The following ANK2 variants were observed in gnomAD, a reference collection of about 807,000 sequenced individuals.
The protein encoded by ANK2 is ankyrin-2.
A neutral mutation model predicts 360.5 loss-of-function variants in ANK2; 83 were observed. The observed-to-expected ratio is 0.23, with a 90% CI of 0.19 to 0.28. ANK2 has a LOEUF of 0.28. ANK2 is among the 10% of genes least tolerant of loss of function. The pLI, the probability that ANK2 is intolerant of heterozygous loss-of-function variation, is 1.00. For synonymous variants in ANK2, 1,740 were observed against 1,759.5 expected, an observed-to-expected ratio of 0.99 and a Z score of 0.28; for missense variants, 4,201 against 4,795.7, an observed-to-expected ratio of 0.88 and a Z score of 3.66.
chr4:112,935,957 A>G (rs757419154), intron 2 of ANK2, among the ~76,000 whole-genome samples: 32 of 152,232 alleles, frequency 2.1e-4, no homozygotes, highest in Non-Finnish European at 3.8e-4. Context: ...GGAAAGACAT[A>G]CAGAAATTAA....
At chr4:113,169,259 C>T (rs1303632834) in intron 1 of ANK2, among the ~76,000 whole-genome samples, 1 of 152,048 alleles carries the variant, frequency 6.6e-6, no homozygotes, top group East Asian at 1.9e-4. Context: ...CATACAATGA[C>T]CCAAGATCGG....
At chr4:112,879,103 GAACAAAACAA>G (rs369264233) in intron 1 of ANK2, among the ~76,000 whole-genome samples, 2 of 152,038 alleles carry the variant, frequency 1.3e-5, no homozygotes, top group South Asian at 2.1e-4. Context: ...CATGTAAGAT[GAACAAAACAA>G]AACAAAACAA....
At chr4:113,006,502 A>T (rs1187673580) in intron 2 of ANK2, among the ~76,000 whole-genome samples, 1 of 152,222 alleles carries the variant, frequency 6.6e-6, no homozygotes, top group African/African-American at 2.4e-5. Flanking sequence ...ATTAGCAAAC[A>T]TAAGAAGTCT....
At chr4:113,203,767 C>T (rs759125932) in intron 4 of ANK2, among the ~76,000 whole-genome samples, 7 of 152,214 alleles carry the variant, frequency 4.6e-5, no homozygotes, top group Non-Finnish European at 1.0e-4. Flanking sequence ...ACTCAGGTGG[C>T]TCATTTACTT....
Position 113,354,042 on chromosome 4 carries a change from T to G in ANK2, c.5424T>G (p.Ala1808=). 6.2e-7 allele frequency: 1 copy of G among 1,614,068 alleles called. No individual in the cohort carries two copies. The highest frequency in any genetic ancestry group is 8.5e-7 in the Non-Finnish European group (1 of 1,179,998). ...PKKTTHRPHP[A]ASPSLKSERH... is the part of the protein sequence containing the mutation. ...AGACCACCCACAGGCCACATCCAGC[T>G]GCGTCACCCTCTCTGAAGTCAGAGA... is the stretch of plus-strand genomic sequence containing the variant. The change falls in exon 38 of 46, where the codon GCT becomes GCG. Residue 1808 remains alanine (A), a synonymous_variant. Coordinates refer to ENST00000357077, the MANE Select transcript of ANK2 (RefSeq NM_001148.6).
the ANK2 span, among the ~76,000 whole-genome samples, chr4:112,705,636 A>G: frequency 1.3e-5 from 2 of 152,214 alleles, no homozygotes; most frequent in Non-Finnish European, 2.9e-5. Flanking sequence ...GTGATGCGGG[A>G]GCGCCCGCGG....
chr4:113,054,322 TACACAC>T (rs34708446), intron 1 of ANK2, among the ~76,000 whole-genome samples: 1 of 149,658 alleles, frequency 6.7e-6, no homozygotes, highest in African/African-American at 2.4e-5. Flanking sequence ...ATTTTGAAGG[TACACAC>T]ACACACACAC....
intron 2 of ANK2, among the ~76,000 whole-genome samples, chr4:113,019,735 A>C (rs1267670300): frequency 6.6e-6 from 1 of 152,042 alleles, no homozygotes. Flanking sequence ...AAAAGCTCTC[A>C]TTTTTCTGTT....
intron 4 of ANK2, among the ~76,000 whole-genome samples, chr4:113,205,961 CACACACACAT>C (rs1038202925): frequency 6.6e-6 from 1 of 152,112 alleles, no homozygotes; most frequent in African/African-American, 2.4e-5. Flanking sequence ...CACATATGCA[CACACACACAT>C]ACACACACAG....
At chr4:113,033,860 T>G (rs1384744369) in intron 2 of ANK2, 1 of 152,012 alleles carries the variant, frequency 6.6e-6, no homozygotes, top group Non-Finnish European at 1.5e-5. Flanking sequence ...TCCTACACCA[T>G]AGATGCCTGG....
intron 1 of ANK2, among the ~76,000 whole-genome samples, chr4:113,095,504 A>G (rs568043991): frequency 6.6e-6 from 1 of 152,256 alleles, no homozygotes; most frequent in Non-Finnish European, 1.5e-5. Flanking sequence ...GCACGAAGAC[A>G]AGAAATGTTT....
intron 2 of ANK2, among the ~76,000 whole-genome samples, chr4:113,013,465 A>T (rs2154293377): frequency 6.6e-6 from 1 of 152,312 alleles, no homozygotes; most frequent in African/African-American, 2.4e-5. Context: ...TCAAAATGAT[A>T]ATAGCTCTAT....
chr4:113,135,795 A>G (rs1259817275), intron 1 of ANK2, among the ~76,000 whole-genome samples: 1 of 152,164 alleles, frequency 6.6e-6, no homozygotes, highest in Non-Finnish European at 1.5e-5. Flanking sequence ...ATGGCCACCA[A>G]CAGATTTGGT....
intron 4 of ANK2, among the ~76,000 whole-genome samples, chr4:113,209,513 C>T (rs1034271246): frequency 2.6e-5 from 4 of 151,854 alleles, no homozygotes; most frequent in Non-Finnish European, 4.4e-5. Flanking sequence ...AAACTGGGGC[C>T]CACTCGCCCT....
chr4:112,813,254 C>CAA (rs1308553677), upstream of ANK2, among the ~76,000 whole-genome samples: 1 of 127,642 alleles, frequency 7.8e-6, no homozygotes, highest in Admixed American at 8.0e-5. Context: ...AAAAAAAAAT[C>CAA]AAAAAAAAAA....
intron 2 of ANK2, among the ~76,000 whole-genome samples, chr4:113,006,072 A>G (rs2154289720): frequency 6.6e-6 from 1 of 152,288 alleles, no homozygotes; most frequent in South Asian, 2.1e-4. Flanking sequence ...ATTCTCAGGT[A>G]TTCCTTTATA....
chr4:112,763,673 A>C, the ANK2 span, among the ~76,000 whole-genome samples: 3 of 151,204 alleles, frequency 2.0e-5, no homozygotes, highest in African/African-American at 4.9e-5. Context: ...CTGGGACTAC[A>C]GGCGCCCGCC....
intron 20 of ANK2, among the ~76,000 whole-genome samples, chr4:113,288,699 A>T (rs2065991844): frequency 6.6e-6 from 1 of 152,210 alleles, no homozygotes; most frequent in Admixed American, 6.5e-5. Flanking sequence ...TACTTCTATT[A>T]TAAAGTTAAA....
chr4:113,170,221 G>A (rs2097895516), intron 1 of ANK2, among the ~76,000 whole-genome samples: 1 of 152,142 alleles, frequency 6.6e-6, no homozygotes. Context: ...CTGAAAAAAT[G>A]TTTCACTGTG....
Sources: gnomAD v4.1 joint callset for allele counts (sites outside exome capture counted in the v4.1 genomes callset) on GRCh38, gnomAD v4.1.1 for gene constraint, MANE v1.5 for transcripts, NCBI Gene and HGNC (gene_info 2026-07-23, HGNC 2026-07-21) for gene names.